Variants in TSPAN13 observed in about 807,000 individuals in gnomAD.
TSPAN13 encodes tetraspanin-13.
TSPAN13 carries 18 observed loss-of-function variants against 26.9 expected under a neutral mutation model. That is an observed-to-expected ratio of 0.67 (90% CI 0.46 to 0.99). The LOEUF is 0.99. Ranked by LOEUF, TSPAN13 falls within the 50% of genes least tolerant of loss-of-function variation. TSPAN13 has a pLI of 0.00. For missense variants in TSPAN13, 201 were observed against 249.6 expected (o/e 0.81, Z 1.31); for synonymous variants, 116 against 98.4 (o/e 1.18, Z -1.06).
At chr7:16,770,560 G>T (rs1317130941) in intron 1 of TSPAN13, among the ~76,000 whole-genome samples, 1 of 152,112 alleles carries the variant, frequency 6.6e-6, no homozygotes, top group Admixed American at 6.5e-5. Flanking sequence ...GTCTCCTTCA[G>T]TTAGTTCTGT....
rs745951982 is a variant in TSPAN13, at chr7:16,776,372, A to AT, written c.231dup (p.Tyr78LeufsTer44). On this transcript the variant is annotated frameshift_variant, in exon 2 of 6. Transcript: ENST00000262067. LOFTEE classifies it high-confidence loss of function. ...CTGTAAAACATCATCAGGTGTTGCTATTTTTTGTATCCTTTTTAAAAATCA... is the reference window on the plus strand; with the variant it reads ...CTGTAAAACATCATCAGGTGTTGCTATTTTTTTGTATCCTTTTTAAAAATCA... The AT allele has an allele frequency of 2.5e-6, 4 of 1,611,500 alleles. No individual in the cohort carries two copies. Among genetic ancestry groups the AT allele is most frequent in the Non-Finnish European group, 2.5e-6 (3 of 1,178,812 alleles).
intron 3 of TSPAN13, 87 bp from the exon 4 acceptor site, chr7:16,777,711 G>A (rs1311411149): frequency 9.7e-6 from 8 of 820,712 alleles, no homozygotes; most frequent in African/African-American, 1.8e-5. Context: ...ATTATTTTAG[G>A]TACACTTAGT....
chr7:16,771,689 A>G (rs1364080195), intron 1 of TSPAN13, among the ~76,000 whole-genome samples: 1 of 152,196 alleles, frequency 6.6e-6, no homozygotes, highest in African/African-American at 2.4e-5. Context: ...CAGGAGTACA[A>G]CCTGACCAAC....
At chr7:16,760,183 C>A (rs377155004) in intron 1 of TSPAN13, among the ~76,000 whole-genome samples, 3 of 152,174 alleles carry the variant, frequency 2.0e-5, no homozygotes, top group African/African-American at 7.2e-5. Context: ...CTGATATAGT[C>A]TGATTTTTAT....
Position 16,754,121 on chromosome 7 carries a change from G to T in TSPAN13, c.63+91G>T, listed in dbSNP as rs530931749. ...TCCCTGCCTGGTCAGCGACTCACTC[G>T]TTGCATCCCGCGCCCCCTTCCCGGC... On this transcript the variant is annotated intron_variant, in intron 1 of 5. Transcript: ENST00000262067. 1,345 of 1,321,892 alleles carry T rather than the reference G, an allele frequency of 1.0e-3. 21 individuals carry two copies. The South Asian group carries it at 0.016, about 15-fold the overall frequency. 81.9% of individuals were successfully genotyped at this position (1,321,892 alleles called of 1,614,324 possible). A position where few individuals can be genotyped will look rare whatever the true frequency, so the allele number is the denominator to read the frequency against.
At chr7:16,769,129 A>G (rs1248947957) in intron 1 of TSPAN13, among the ~76,000 whole-genome samples, 1 of 152,306 alleles carries the variant, frequency 6.6e-6, no homozygotes, top group Non-Finnish European at 1.5e-5. Context: ...CCTGGCCATT[A>G]TAATAGGTTC....
chr7:16,756,318 C>G (rs1273544551), intron 1 of TSPAN13, among the ~76,000 whole-genome samples: 1 of 152,206 alleles, frequency 6.6e-6, no homozygotes, highest in African/African-American at 2.4e-5. Flanking sequence ...TAATCCCACC[C>G]TGGTCACTGC....
intron 1 of TSPAN13, among the ~76,000 whole-genome samples, chr7:16,755,417 A>G (rs1223605101): frequency 2.6e-5 from 4 of 152,192 alleles, no homozygotes; most frequent in African/African-American, 7.2e-5. Flanking sequence ...AAATTTTAGA[A>G]CACCTGGTGA....
Position 16,774,968 on chromosome 7 carries a change from A to G in TSPAN13, c.64-1243A>G, listed in dbSNP as rs943781027. ...AGATGTAAAATTTGCCTGACAAACT[A>G]TTGTATTACATACGAAAATTTACAC... On this transcript the variant is annotated intron_variant, in intron 1 of 5. Transcript: ENST00000262067. Among the ~76,000 whole-genome samples, 5 of 152,368 alleles carry G rather than the reference A, an allele frequency of 3.3e-5. No homozygotes were observed. The East Asian group carries it at 7.7e-4, about 23-fold the overall frequency.
At chr7:16,778,058 A>G (rs974225250) in intron 4 of TSPAN13, 147 bp downstream of exon 4, 7 of 630,158 alleles carry the variant, frequency 1.1e-5, no homozygotes, top group East Asian at 6.0e-5. Flanking sequence ...GTCCTCTGTT[A>G]TATCATTTGC....
chr7:16,780,655 G>A (rs1420602051), intron 5 of TSPAN13, among the ~76,000 whole-genome samples: 7 of 152,202 alleles, frequency 4.6e-5, no homozygotes, highest in Non-Finnish European at 1.0e-4. Flanking sequence ...ACATCAGCTA[G>A]AGTCAGCAGT....
At chr7:16,776,576 C>T (rs1784752628) in intron 2 of TSPAN13, among the ~76,000 whole-genome samples, 198 bp downstream of exon 2, 1 of 152,170 alleles carries the variant, frequency 6.6e-6, no homozygotes, top group African/African-American at 2.4e-5. Flanking sequence ...GTCCTTGTGA[C>T]ACCCTGAAGA....
intron 1 of TSPAN13, among the ~76,000 whole-genome samples, chr7:16,767,444 G>A (rs1260092987): frequency 6.6e-6 from 1 of 152,152 alleles, no homozygotes; most frequent in Non-Finnish European, 1.5e-5. Context: ...ACCAGAGTCT[G>A]TGAATTCCCT....
intron 5 of TSPAN13, among the ~76,000 whole-genome samples, chr7:16,779,872 C>T (rs1173410698): frequency 5.3e-5 from 8 of 150,418 alleles, no homozygotes; most frequent in African/African-American, 1.2e-4. Context: ...CCCGGGTTCA[C>T]GCTATTCTCC....
intron 1 of TSPAN13, among the ~76,000 whole-genome samples, chr7:16,768,340 C>G (rs1784632206): frequency 6.6e-6 from 1 of 152,146 alleles, no homozygotes; most frequent in South Asian, 2.1e-4. Context: ...GATGGTACGG[C>G]AGGTAAAAAC....
In TSPAN13 at chr7:16,768,397, C is replaced by A. The variant is rs6968516; in HGVS notation, c.64-7814C>A. Among the ~76,000 whole-genome samples, 1,409 of 152,334 alleles carry A rather than the reference C, an allele frequency of 9.2e-3. 9 individuals are homozygous for A. The highest frequency in any genetic ancestry group is 0.031 in the African/African-American group (1,275 of 41,566). ...CTGGGTTCATATCCCAGCTCTATCCCTTCCTTACTGTCTAACCTTGGGCAA... is the reference window on the plus strand; with the variant it reads ...CTGGGTTCATATCCCAGCTCTATCCATTCCTTACTGTCTAACCTTGGGCAA... On this transcript the variant is annotated intron_variant, in intron 1 of 5. Coordinates refer to ENST00000262067, the MANE Select transcript of TSPAN13 (RefSeq NM_014399.4).
chr7:16,779,886 C>G (rs1461434086), intron 5 of TSPAN13, among the ~76,000 whole-genome samples: 1 of 151,482 alleles, frequency 6.6e-6, no homozygotes, highest in Admixed American at 6.6e-5. Flanking sequence ...ATTCTCCTGT[C>G]TCAGCCTCCT....
intron 1 of TSPAN13, among the ~76,000 whole-genome samples, chr7:16,764,987 C>G (rs745754865): frequency 2.0e-5 from 3 of 151,666 alleles, no homozygotes; most frequent in Admixed American, 6.6e-5. Flanking sequence ...TCTCCAAACT[C>G]CTGGGCTCAA....
At chr7:16,756,700 G>A (rs1165640351) in intron 1 of TSPAN13, among the ~76,000 whole-genome samples, 6 of 152,298 alleles carry the variant, frequency 3.9e-5, no homozygotes, top group East Asian at 1.9e-4. Context: ...AATTAGTGTA[G>A]TATGTGTTAA....
Sources: gnomAD v4.1 joint callset for allele counts (sites outside exome capture counted in the v4.1 genomes callset) on GRCh38, gnomAD v4.1.1 for gene constraint, MANE v1.5 for transcripts, NCBI Gene and HGNC (gene_info 2026-07-23, HGNC 2026-07-21) for gene names.